The following CSNK1A1 variants were observed in gnomAD, a reference collection of about 807,000 sequenced individuals.
The protein encoded by CSNK1A1 is casein kinase I isoform alpha.
In CSNK1A1, 7 loss-of-function variants were observed where a neutral mutation model predicts 46.1. The observed-to-expected ratio is 0.15, with a 90% CI of 0.09 to 0.29. CSNK1A1 has a LOEUF of 0.29. Among genes scored for constraint, CSNK1A1 ranks in the 10% least tolerant of loss-of-function variants. The pLI, the probability that CSNK1A1 is intolerant of heterozygous loss-of-function variation, is 1.00. For missense variants in CSNK1A1, 96 were observed against 417.1 expected (o/e 0.23, Z 6.71); for synonymous variants, 137 against 141.5 (o/e 0.97, Z 0.23).
In CSNK1A1 at chr5:149,505,592, G is replaced by C. The variant is rs930905756; in HGVS notation, c.861C>G (p.Thr287=). The change falls in exon 9 of 10, where the codon ACC becomes ACG. Residue 287 remains threonine, a synonymous_variant. Coordinates refer to ENST00000377843, the MANE Select transcript of CSNK1A1 (RefSeq NM_001892.6). The part of the protein sequence containing the change: ...LRQLFRILFR[T]LNHQYDYTFD... The stretch of plus-strand genomic sequence containing the variant: ...ATGTGTAGTCATATTGATGGTTCAG[G>C]GTCCTGGAACACATAAAATATTTTA... 1 of 1,612,860 alleles carries C rather than the reference G, an allele frequency of 6.2e-7. No homozygotes were observed. The highest frequency in any genetic ancestry group is 1.3e-5 in the African/African-American group (1 of 74,852).
chr5:149,498,919 T>A (rs755337433), intron 9 of CSNK1A1: 68 of 985,290 alleles, frequency 6.9e-5, no homozygotes, highest in Non-Finnish European at 7.6e-5. Flanking sequence ...ATCTGAGGAA[T>A]TGCTGAGTCA....
rs1554118044 is a variant in CSNK1A1, at chr5:149,544,737, T to TATATATATA, written c.230+5337_230+5338insTATATATAT. Among the ~76,000 whole-genome samples the TATATATATA allele has an allele frequency of 1.5e-3, 119 of 80,800 alleles. 4 individuals are homozygous for TATATATATA. Among genetic ancestry groups the TATATATATA allele is most frequent in the African/African-American group, 5.9e-3 (90 of 15,328 alleles). 53.0% of individuals were successfully genotyped at this position (80,800 alleles called of 152,430 possible). ...GTGAGGATGATGAGGGTAAAGAGCTTTATATATATATATATATATATATAT... is the reference window on the plus strand; with the variant it reads ...GTGAGGATGATGAGGGTAAAGAGCTTATATATATATATATATATATATATATATATATAT... On this transcript the variant is annotated intron_variant, in intron 2 of 9. Transcript: ENST00000377843.
At chr5:149,501,522 A>G in intron 9 of CSNK1A1, 1 of 985,426 alleles carries the variant, frequency 1.0e-6, no homozygotes, top group East Asian at 1.1e-4. Flanking sequence ...GACTGTGGAC[A>G]TGGTAGGTCA....
chr5:149,515,599 C>T (rs1380078428), intron 4 of CSNK1A1, among the ~76,000 whole-genome samples: 1 of 152,154 alleles, frequency 6.6e-6, no homozygotes, highest in African/African-American at 2.4e-5. Flanking sequence ...ATAGCCTATT[C>T]TCAGTAAACA....
chr5:149,500,489 G>T (rs978852300), intron 9 of CSNK1A1, among the ~76,000 whole-genome samples: 11 of 150,790 alleles, frequency 7.3e-5, no homozygotes, highest in African/African-American at 2.7e-4. Flanking sequence ...GTGTCAGCCA[G>T]GATGGTCTCA....
At chr5:149,538,014 GTT>G (rs890909710) in intron 2 of CSNK1A1, among the ~76,000 whole-genome samples, 73 of 85,710 alleles carry the variant, frequency 8.5e-4, no homozygotes, top group African/African-American at 3.3e-3. Context: ...AGTGTGCCCA[GTT>G]TTTTTTTTTT....
At chr5:149,523,045 C>CTTTTT (rs35068425) in intron 3 of CSNK1A1, among the ~76,000 whole-genome samples, 1 of 145,550 alleles carries the variant, frequency 6.9e-6, no homozygotes, top group Non-Finnish European at 1.5e-5. Context: ...ATATTAAAGG[C>CTTTTT]TTTTTTTTTT....
chr5:149,532,324 T>G (rs1761928339), intron 2 of CSNK1A1, among the ~76,000 whole-genome samples: 2 of 151,046 alleles, frequency 1.3e-5, no homozygotes, highest in Non-Finnish European at 2.9e-5. Flanking sequence ...CCGGGCGGAG[T>G]GGCTCATGCT....
At chr5:149,513,504 T>C (rs918461004) in intron 4 of CSNK1A1, among the ~76,000 whole-genome samples, 1 of 152,190 alleles carries the variant, frequency 6.6e-6, no homozygotes, top group African/African-American at 2.4e-5. Context: ...AAGAAATGTA[T>C]ACATGCTTGA....
intron 2 of CSNK1A1, among the ~76,000 whole-genome samples, chr5:149,535,640 T>C (rs1026578859): frequency 6.6e-6 from 1 of 152,168 alleles, no homozygotes; most frequent in Non-Finnish European, 1.5e-5. Flanking sequence ...TCTTTTTGTT[T>C]GTTTCTTTGT....
chr5:149,520,280 T>A lies in CSNK1A1; in HGVS notation c.456+10A>T. ...TCTTTGTTCTTTCATGCAAAGAGCA[T>A]TTGACTAACCTTATTACAGTGACGC... On this transcript the variant is annotated intron_variant, in intron 4 of 9. Transcript: ENST00000377843. The A allele has an allele frequency of 6.5e-7, 1 of 1,530,894 alleles. No individual in the cohort carries two copies. Among genetic ancestry groups the A allele is most frequent in the Non-Finnish European group, 9.0e-7 (1 of 1,111,338 alleles). The allele number at this position is 1,530,894 out of a possible 1,614,324, so 94.8% of individuals were successfully genotyped here.
At chr5:149,523,826 T>C (rs1264599652) in intron 3 of CSNK1A1, among the ~76,000 whole-genome samples, 1 of 152,232 alleles carries the variant, frequency 6.6e-6, no homozygotes, top group Non-Finnish European at 1.5e-5. Flanking sequence ...AACATTACAA[T>C]TCTACTCTTC....
chr5:149,505,325 C>T (rs1279536182), intron 9 of CSNK1A1, 122 bp downstream of exon 9: 49 of 1,409,196 alleles, frequency 3.5e-5, no homozygotes, highest in South Asian at 5.1e-5. Context: ...TTTTTTTTAA[C>T]GCAGAGCCAA....
At chr5:149,536,508 A>G (rs1446455226) in intron 2 of CSNK1A1, among the ~76,000 whole-genome samples, 1 of 152,242 alleles carries the variant, frequency 6.6e-6, no homozygotes, top group East Asian at 1.9e-4. Context: ...AATGAATACA[A>G]AAAGAAAACA....
intron 2 of CSNK1A1, among the ~76,000 whole-genome samples, chr5:149,544,505 A>T (rs55707618): frequency 0.64 from 97,201 of 150,914 alleles, 32,587 homozygotes; most frequent in East Asian, 0.99. Context: ...TATATAAAAA[A>T]AATTTAAAAA....
intron 8 of CSNK1A1, 66 bp downstream of exon 8, chr5:149,506,961 T>C: frequency 1.7e-6 from 2 of 1,187,158 alleles, no homozygotes; most frequent in Non-Finnish European, 1.2e-6. Context: ...CAGAATGAAT[T>C]TGTTAGGTAA....
At chr5:149,501,523 T>C (rs982404572) in intron 9 of CSNK1A1, 1 of 985,352 alleles carries the variant, frequency 1.0e-6, no homozygotes, top group South Asian at 4.7e-5. Context: ...ACTGTGGACA[T>C]GGTAGGTCAA....
intron 2 of CSNK1A1, among the ~76,000 whole-genome samples, chr5:149,548,422 C>G (rs1335544951): frequency 2.0e-5 from 3 of 150,046 alleles, no homozygotes; most frequent in Non-Finnish European, 4.4e-5. Context: ...CAAAAATTAG[C>G]CAGGCGTAGT....
chr5:149,516,491 C>A (rs1761408099), intron 4 of CSNK1A1, among the ~76,000 whole-genome samples: 3 of 151,060 alleles, frequency 2.0e-5, no homozygotes, highest in Admixed American at 6.6e-5. Context: ...TTTTCCTAAC[C>A]AGGGGTCATA....
Sources: allele counts gnomAD v4.1 joint callset (sites outside exome capture counted in the v4.1 genomes callset), GRCh38; gene constraint gnomAD v4.1.1; transcripts MANE v1.5; gene names NCBI Gene and HGNC (gene_info 2026-07-23, HGNC 2026-07-21).